Variants in ABCC4 observed in about 807,000 individuals in gnomAD.
ABCC4 encodes the protein ATP-binding cassette sub-family C member 4.
In ABCC4, 102 loss-of-function variants were observed where a neutral mutation model predicts 168.5. That is an observed-to-expected ratio of 0.61 (90% CI 0.52 to 0.71). ABCC4 has a LOEUF of 0.71. Ranked by LOEUF, ABCC4 falls within the 30% of genes least tolerant of loss-of-function variation. The pLI is 0.00. For missense variants in ABCC4, 1,402 were observed against 1,605.8 expected (o/e 0.87, Z 2.17); for synonymous variants, 617 against 590.7 (o/e 1.04, Z -0.65).
At chr13:95,288,575 G>A (rs1183144404) in intron 1 of ABCC4, among the ~76,000 whole-genome samples, 1 of 152,312 alleles carries the variant, frequency 6.6e-6, no homozygotes, top group East Asian at 1.9e-4. Context: ...GGAGGCTGAG[G>A]TGGGCGGATC....
intron 26 of ABCC4, among the ~76,000 whole-genome samples, chr13:95,058,600 A>AAGAAAAAG (rs1566379155): frequency 3.9e-4 from 58 of 149,456 alleles, no homozygotes; most frequent in African/African-American, 1.4e-3. Context: ...AAAGAAAAGA[A>AAGAAAAAG]AAAGAAAAAG....
chr13:95,057,377 C>CT (rs1408349740), intron 26 of ABCC4, among the ~76,000 whole-genome samples: 1 of 152,094 alleles, frequency 6.6e-6, no homozygotes, highest in African/African-American at 2.4e-5. Context: ...GCAGCTGGGA[C>CT]TACAGATGCG....
At chr13:95,280,320 G>A (rs975452098) in intron 1 of ABCC4, among the ~76,000 whole-genome samples, 1 of 151,134 alleles carries the variant, frequency 6.6e-6, no homozygotes, top group Admixed American at 6.6e-5. Context: ...AGGAGGCTGA[G>A]GTAGGAGGAT....
chr13:95,246,827 T>G (rs2040118355), intron 3 of ABCC4, 148 bp downstream of exon 3: 1 of 887,738 alleles, frequency 1.1e-6, no homozygotes, highest in South Asian at 1.7e-5. Flanking sequence ...TTCCTAGACA[T>G]GTTTAATCCT....
Position 95,296,135 on chromosome 13 carries a change from AACACACACAC to A in ABCC4, c.74+5096_74+5105del, listed in dbSNP as rs753316849. ...GCAACAGAGCAAGACCCTGTCTCAA[AACACACACAC>A]ACACACACACACACACACACACACA... On this transcript the variant is annotated intron_variant, in intron 1 of 30. Transcript: ENST00000645237. 5.3e-3 allele frequency among the ~76,000 whole-genome samples: 528 copies of A among 98,940 alleles called. 7 individuals carry two copies. The highest frequency in any genetic ancestry group is 0.02 in the African/African-American group (490 of 24,772). The allele number at this position is 98,940 out of a possible 152,430, so 64.9% of individuals were successfully genotyped here. A position where few individuals can be genotyped will look rare whatever the true frequency, so the allele number is the denominator to read the frequency against.
intron 8 of ABCC4, among the ~76,000 whole-genome samples, chr13:95,200,629 G>A (rs1323592258): frequency 6.6e-6 from 1 of 152,150 alleles, no homozygotes; most frequent in East Asian, 1.9e-4. Flanking sequence ...GCTGAGGCAG[G>A]AGAATCACTT....
intron 7 of ABCC4, among the ~76,000 whole-genome samples, chr13:95,207,297 G>A (rs1305808725): frequency 6.6e-6 from 1 of 152,152 alleles, no homozygotes; most frequent in African/African-American, 2.4e-5. Flanking sequence ...CAAAGTTCTT[G>A]GATTACAGGC....
chr13:95,282,891 T>C (rs1347271854), intron 1 of ABCC4, among the ~76,000 whole-genome samples: 1 of 152,058 alleles, frequency 6.6e-6, no homozygotes, highest in African/African-American at 2.4e-5. Context: ...CTCTTGGTCA[T>C]TACATATGTA....
chr13:95,080,389 TTTTTGTTTTGTTTTG>T (rs71774292), intron 21 of ABCC4, among the ~76,000 whole-genome samples: 1 of 150,846 alleles, frequency 6.6e-6, no homozygotes, highest in African/African-American at 2.5e-5. Flanking sequence ...TTGTTTTTGT[TTTTTGTTTTGTTTTG>T]TTTTGTTTTG....
In ABCC4 at chr13:95,020,740, GAAT is replaced by G. The variant is rs1444619568; in HGVS notation, c.*832_*834del. ...TTCCATAAATGAGAAATCCAAAAAA[GAAT>G]AATGCCACGTATTTCAGGAATGTCG... On this transcript the variant is annotated 3_prime_UTR_variant, in exon 31 of 31. Coordinates refer to ENST00000645237, the MANE Select transcript of ABCC4 (RefSeq NM_005845.5). 4 of 152,192 alleles carry G rather than the reference GAAT, an allele frequency of 2.6e-5. No homozygotes were observed. Among genetic ancestry groups the G allele is most frequent in the African/African-American group, 7.2e-5 (3 of 41,444 alleles). The allele number at this position is 152,192 out of a possible 1,614,324, so 9.4% of individuals were successfully genotyped here. A position where few individuals can be genotyped will look rare whatever the true frequency, so the allele number is the denominator to read the frequency against.
chr13:95,154,352 A>T (rs2036789650), intron 19 of ABCC4, among the ~76,000 whole-genome samples: 1 of 152,210 alleles, frequency 6.6e-6, no homozygotes, highest in African/African-American at 2.4e-5. Flanking sequence ...CTTAAGCCAG[A>T]ATTAAAAGCA....
At chr13:95,228,770 A>C (rs1267956315) in intron 4 of ABCC4, among the ~76,000 whole-genome samples, 2 of 151,720 alleles carry the variant, frequency 1.3e-5, no homozygotes, top group Non-Finnish European at 2.9e-5. Flanking sequence ...TCTTGAAAAA[A>C]AAAAAAAAGC....
At chr13:95,073,161 G>T (rs749827594) in intron 24 of ABCC4, 43 bp downstream of exon 24, 132 of 1,482,582 alleles carry the variant, frequency 8.9e-5, no homozygotes, top group Non-Finnish European at 1.2e-4. Flanking sequence ...CCATTTAATG[G>T]CAAGGAGATT....
chr13:95,127,330 G>A (rs2035815253), intron 19 of ABCC4, among the ~76,000 whole-genome samples: 1 of 152,102 alleles, frequency 6.6e-6, no homozygotes, highest in Admixed American at 6.5e-5. Flanking sequence ...CTGTTGCCCA[G>A]GCTGGAGTGC....
chr13:95,239,744 T>C (rs1438763328), intron 3 of ABCC4, among the ~76,000 whole-genome samples: 2 of 150,386 alleles, frequency 1.3e-5, no homozygotes, highest in Non-Finnish European at 3.0e-5. Flanking sequence ...GAATCACTCA[T>C]TATTTTGAAA....
chr13:95,168,862 C>T (rs1178350925), intron 14 of ABCC4, among the ~76,000 whole-genome samples: 2 of 152,128 alleles, frequency 1.3e-5, no homozygotes, highest in Non-Finnish European at 2.9e-5. Context: ...AAGATATGTT[C>T]GAGTCCTAAA....
intron 20 of ABCC4, among the ~76,000 whole-genome samples, chr13:95,093,511 C>G (rs149521078): frequency 6.6e-6 from 1 of 152,124 alleles, no homozygotes; most frequent in African/African-American, 2.4e-5. Context: ...GATTAAAACT[C>G]TCAGCAAAAT....
chr13:95,062,593 T>TG, intron 26 of ABCC4, 111 bp downstream of exon 26: 1 of 1,020,380 alleles, frequency 9.8e-7, no homozygotes, highest in Middle Eastern at 3.2e-4. Context: ...CTCTATTGGG[T>TG]GAAAAAAAAA....
intron 1 of ABCC4, among the ~76,000 whole-genome samples, chr13:95,253,896 T>C (rs1289866852): frequency 6.6e-6 from 1 of 151,946 alleles, no homozygotes. Context: ...TAAAGTGGAT[T>C]TTTCTCTTTT....
Sources: gnomAD v4.1 joint callset for allele counts (sites outside exome capture counted in the v4.1 genomes callset) on GRCh38, gnomAD v4.1.1 for gene constraint, MANE v1.5 for transcripts, NCBI Gene and HGNC (gene_info 2026-07-23, HGNC 2026-07-21) for gene names.